ZNF609: variants seen among roughly 807,000 people sequenced by gnomAD.
The protein encoded by ZNF609 is zinc finger protein 609.
In ZNF609, 11 loss-of-function variants were observed where a neutral mutation model predicts 109.5. The ratio of observed to expected loss-of-function variants is 0.10; its 90% CI spans 0.06 to 0.17. The LOEUF (loss-of-function observed/expected upper bound fraction) is 0.17, where lower values mean the gene tolerates loss of function less well. Among genes scored for constraint, ZNF609 ranks in the 10% least tolerant of loss-of-function variants. The pLI, the probability that ZNF609 is intolerant of heterozygous loss-of-function variation, is 1.00. For missense variants in ZNF609, 1,559 were observed against 1,772.4 expected (o/e 0.88, Z 2.16); for synonymous variants, 646 against 662.0 (o/e 0.98, Z 0.37).
intron 2 of ZNF609, among the ~76,000 whole-genome samples, chr15:64,535,540 C>T (rs142338662): frequency 1.2e-4 from 19 of 152,120 alleles, no homozygotes; most frequent in East Asian, 9.6e-4. Flanking sequence ...GTGAGCTGGG[C>T]TGTTTCTAGT....
At chr15:64,552,293 A>G (rs560617958) in intron 2 of ZNF609, among the ~76,000 whole-genome samples, 1 of 152,324 alleles carries the variant, frequency 6.6e-6, no homozygotes, top group Admixed American at 6.5e-5. Flanking sequence ...GTTGCAGGTT[A>G]TATATTTAGA....
intron 1 of ZNF609, among the ~76,000 whole-genome samples, chr15:64,496,155 CTTTG>C (rs756775843): frequency 3.2e-4 from 48 of 152,266 alleles, no homozygotes; most frequent in Middle Eastern, 6.8e-3. Context: ...TACTGGCATA[CTTTG>C]TTTATCATGC....
At chr15:64,507,783 G>A (rs746370324) in intron 2 of ZNF609, among the ~76,000 whole-genome samples, 32 of 152,176 alleles carry the variant, frequency 2.1e-4, no homozygotes, top group Non-Finnish European at 2.8e-4. Context: ...GAAATAGAGA[G>A]CAGAGGGAAG....
At chr15:64,576,818 A>C (rs1430901955) in intron 2 of ZNF609, among the ~76,000 whole-genome samples, 1 of 42,092 alleles carries the variant, frequency 2.4e-5, no homozygotes, top group African/African-American at 6.0e-5. Context: ...GCGAGACTCC[A>C]TCTCAAAAAA....
intron 2 of ZNF609, among the ~76,000 whole-genome samples, chr15:64,602,811 C>T (rs1436125330): frequency 6.8e-5 from 10 of 146,362 alleles, no homozygotes; most frequent in African/African-American, 2.5e-4. Flanking sequence ...CAAGCTCTGC[C>T]TCCTGGGTTC....
intron 3 of ZNF609, among the ~76,000 whole-genome samples, chr15:64,643,048 A>C (rs1000500755): frequency 6.6e-6 from 1 of 152,154 alleles, no homozygotes; most frequent in Non-Finnish European, 1.5e-5. Flanking sequence ...ATAAATGCAC[A>C]TACTCTCTAA....
At chr15:64,577,049 A>AATATATATAT (rs1567019110) in intron 2 of ZNF609, among the ~76,000 whole-genome samples, 1 of 105,112 alleles carries the variant, frequency 9.5e-6, no homozygotes, top group Non-Finnish European at 2.0e-5. Context: ...TATACACATA[A>AATATATATAT]ATATATACAT....
intron 2 of ZNF609, among the ~76,000 whole-genome samples, chr15:64,574,412 G>A (rs1267565228): frequency 6.6e-6 from 1 of 152,068 alleles, no homozygotes; most frequent in African/African-American, 2.4e-5. Flanking sequence ...AGTATCTCCT[G>A]ATCCTCATAG....
intron 2 of ZNF609, among the ~76,000 whole-genome samples, chr15:64,546,435 T>C (rs1292608863): frequency 6.7e-6 from 1 of 150,356 alleles, no homozygotes; most frequent in Non-Finnish European, 1.5e-5. Context: ...CATGTTTCTT[T>C]CTTTTTTTTT....
At chr15:64,673,085 A>G (rs1207454290) in intron 4 of ZNF609, among the ~76,000 whole-genome samples, 1 of 152,222 alleles carries the variant, frequency 6.6e-6, no homozygotes, top group Non-Finnish European at 1.5e-5. Context: ...TTGGGCATGC[A>G]AGAATCCAGA....
At position 64,577,354 on chromosome 15, in the gene ZNF609, T is replaced by C. The variant is rs184381239; in HGVS notation, c.748-45473T>C. On this transcript the variant is annotated intron_variant, in intron 2 of 9. Transcript: ENST00000326648. ...ATATATACATATATATGTATATATA[T>C]ACACATATATGTATATATATACACA... Among the ~76,000 whole-genome samples, 4 of 17,726 alleles carry C rather than the reference T, an allele frequency of 2.3e-4. 2 individuals carry two copies. The highest frequency in any genetic ancestry group is 1.3e-3 in the South Asian group (2 of 1,524). 11.6% of individuals were successfully genotyped at this position (17,726 alleles called of 152,430 possible). A position where few individuals can be genotyped will look rare whatever the true frequency, so the allele number is the denominator to read the frequency against.
intron 2 of ZNF609, chr15:64,529,041 A>G: frequency 7.0e-7 from 1 of 1,419,564 alleles, no homozygotes. Context: ...TGGCAGCGCC[A>G]GTAGAGACAG....
intron 2 of ZNF609, chr15:64,529,791 T>C: frequency 6.3e-6 from 3 of 473,980 alleles, no homozygotes; most frequent in Non-Finnish European, 8.0e-6. Flanking sequence ...AGTGCAATGG[T>C]GCAACCTCGG....
At chr15:64,646,153 G>A (rs1014742952) in intron 3 of ZNF609, among the ~76,000 whole-genome samples, 26 of 152,154 alleles carry the variant, frequency 1.7e-4, no homozygotes, top group African/African-American at 6.0e-4. Flanking sequence ...CAGATGAATG[G>A]ATAAACAATG....
intron 2 of ZNF609, among the ~76,000 whole-genome samples, chr15:64,545,875 T>C (rs1251782560): frequency 1.3e-5 from 2 of 152,228 alleles, no homozygotes; most frequent in Non-Finnish European, 2.9e-5. Flanking sequence ...TACTATTTCA[T>C]TGTATAGATA....
At chr15:64,582,912 C>T (rs1422528555) in intron 2 of ZNF609, among the ~76,000 whole-genome samples, 6 of 151,186 alleles carry the variant, frequency 4.0e-5, no homozygotes, top group African/African-American at 1.2e-4. Context: ...CCATCACGCC[C>T]GGCTAATTTT....
chr15:64,468,402 A>C (rs1893044923), intron 1 of ZNF609, among the ~76,000 whole-genome samples: 1 of 150,680 alleles, frequency 6.6e-6, no homozygotes, highest in Non-Finnish European at 1.5e-5. Context: ...TTCCAGCCTC[A>C]ATGCCACCAC....
At chr15:64,477,941 T>C (rs1287998851) in intron 1 of ZNF609, among the ~76,000 whole-genome samples, 1 of 152,148 alleles carries the variant, frequency 6.6e-6, no homozygotes, top group Non-Finnish European at 1.5e-5. Context: ...CATATCTTAT[T>C]TCTGTCCACA....
intron 3 of ZNF609, among the ~76,000 whole-genome samples, chr15:64,658,073 T>C (rs1896516381): frequency 6.6e-6 from 1 of 152,222 alleles, no homozygotes; most frequent in African/African-American, 2.4e-5. Context: ...AGCATGAAGA[T>C]AGCAGCAGCT....
Sources: allele counts gnomAD v4.1 joint callset (sites outside exome capture counted in the v4.1 genomes callset), GRCh38; gene constraint gnomAD v4.1.1; transcripts MANE v1.5; gene names NCBI Gene and HGNC (gene_info 2026-07-23, HGNC 2026-07-21).